The following PTPRD variants were observed in gnomAD, a reference collection of about 807,000 sequenced individuals.
PTPRD encodes the protein protein tyrosine phosphatase receptor type D, also known as receptor-type tyrosine-protein phosphatase delta.
A neutral mutation model predicts 214.5 loss-of-function variants in PTPRD; 34 were observed. The ratio of observed to expected loss-of-function variants is 0.16; its 90% confidence interval spans 0.12 to 0.21. PTPRD has a LOEUF of 0.21. PTPRD is among the 10% of genes least tolerant of loss of function. The pLI, the probability that PTPRD is intolerant of heterozygous loss-of-function variation, is 1.00. For missense variants in PTPRD, 2,545 were observed against 2,398.7 expected, an observed-to-expected ratio of 1.06 and a Z score of -1.27; for synonymous variants, 1,128 against 845.7, an observed-to-expected ratio of 1.33 and a Z score of -5.79.
intron 7 of PTPRD, among the ~76,000 whole-genome samples, chr9:9,640,995 A>G (rs2095925150): frequency 6.6e-6 from 1 of 152,268 alleles, no homozygotes; most frequent in South Asian, 2.1e-4. Context: ...CCTAACAGGT[A>G]GTGATACCTC....
intron 4 of PTPRD, among the ~76,000 whole-genome samples, chr9:10,013,078 C>A (rs535462378): frequency 2.6e-5 from 4 of 151,970 alleles, no homozygotes; most frequent in Admixed American, 2.0e-4. Flanking sequence ...ATGATTTGAA[C>A]TTCAATTACA....
At chr9:9,964,375 C>T (rs1224399469) in intron 4 of PTPRD, among the ~76,000 whole-genome samples, 1 of 152,140 alleles carries the variant, frequency 6.6e-6, no homozygotes, top group Non-Finnish European at 1.5e-5. Context: ...ATATGTTGCT[C>T]ATAATTTCTT....
At chr9:9,499,406 G>C (rs775140495) in intron 8 of PTPRD, among the ~76,000 whole-genome samples, 2 of 152,028 alleles carry the variant, frequency 1.3e-5, no homozygotes, top group Non-Finnish European at 2.9e-5. Flanking sequence ...ACTGTTTCTA[G>C]ACATTTAAAA....
intron 5 of PTPRD, among the ~76,000 whole-genome samples, chr9:9,829,027 C>T (rs2053944241): frequency 6.6e-6 from 1 of 151,822 alleles, no homozygotes; most frequent in African/African-American, 2.4e-5. Context: ...TATTATTTTA[C>T]TACTGATGCA....
chr9:8,499,885 C>T, intron 24 of PTPRD, 45 bp from the exon 25 acceptor site: 1 of 1,509,836 alleles, frequency 6.6e-7, no homozygotes, highest in Non-Finnish European at 8.9e-7. Context: ...GCACTTGTCC[C>T]ACCCTATCAG....
At chr9:8,340,295 C>T (rs1851284868) in intron 42 of PTPRD, 48 bp downstream of exon 42, 7 of 1,512,094 alleles carry the variant, frequency 4.6e-6, no homozygotes, top group African/African-American at 1.4e-5. Context: ...TTCATTTCTC[C>T]ACAGAGTAAA....
At chr9:10,348,177 C>G (rs2097122464) in intron 2 of PTPRD, among the ~76,000 whole-genome samples, 1 of 152,202 alleles carries the variant, frequency 6.6e-6, no homozygotes, top group South Asian at 2.1e-4. Flanking sequence ...TTCTCTTCCT[C>G]TCTCCTTCCC....
chr9:9,843,599 T>G (rs1379426737), intron 5 of PTPRD, among the ~76,000 whole-genome samples: 3 of 151,944 alleles, frequency 2.0e-5, no homozygotes, highest in African/African-American at 2.4e-5. Flanking sequence ...CCCACACATT[T>G]TGACAGGATA....
chr9:9,037,635 G>C (rs1569485204), intron 10 of PTPRD, among the ~76,000 whole-genome samples: 1 of 152,130 alleles, frequency 6.6e-6, no homozygotes, highest in Non-Finnish European at 1.5e-5. Context: ...TAAGGTAAAA[G>C]TACCCTTGGA....
At chr9:9,309,922 G>C (rs544726441) in intron 9 of PTPRD, among the ~76,000 whole-genome samples, 65 of 152,152 alleles carry the variant, frequency 4.3e-4, no homozygotes, top group African/African-American at 1.4e-3. Flanking sequence ...GGTGGATCAT[G>C]GATTTCCTCC....
In PTPRD at chr9:8,319,966, G is replaced by T. The variant is rs748716978; in HGVS notation, c.5535C>A (p.Ser1845Arg). 8 of 1,611,124 alleles carry T rather than the reference G, an allele frequency of 5.0e-6. No homozygotes were observed. The highest frequency in any genetic ancestry group is 6.8e-6 in the Non-Finnish European group (8 of 1,178,766). Residue 1845 changes from serine (S) to arginine (R), a missense_variant and splice_region_variant, in exon 45 of 46, where the codon AGC becomes AGA. Coordinates refer to ENST00000381196, the MANE Select transcript of PTPRD (RefSeq NM_002839.4). ...GQDGPISVHC[S>R]AGVGRTGVFI... ...AGACTCCAGTTCTTCCAACGCCCGCGCTGCCACAATAACAAAGGCGATGTT... is the reference window on the plus strand; with the variant it reads ...AGACTCCAGTTCTTCCAACGCCCGCTCTGCCACAATAACAAAGGCGATGTT...
chr9:8,913,050 C>T (rs2098758778), intron 11 of PTPRD, among the ~76,000 whole-genome samples: 3 of 151,930 alleles, frequency 2.0e-5, no homozygotes, highest in South Asian at 2.1e-4. Flanking sequence ...ATTTATACCC[C>T]GCCATTTTGA....
chr9:9,017,753 A>G (rs1159538384), intron 11 of PTPRD, among the ~76,000 whole-genome samples: 2 of 152,202 alleles, frequency 1.3e-5, no homozygotes, highest in African/African-American at 4.8e-5. Flanking sequence ...GAAATAGATA[A>G]AAATATTCAA....
At chr9:9,108,940 ACG>A (rs2099802415) in intron 10 of PTPRD, among the ~76,000 whole-genome samples, 1 of 152,142 alleles carries the variant, frequency 6.6e-6, no homozygotes, top group African/African-American at 2.4e-5. Context: ...ACTTAGAGAT[ACG>A]ACTGGCATCT....
intron 7 of PTPRD, among the ~76,000 whole-genome samples, chr9:9,653,838 A>T (rs1292955018): frequency 6.6e-6 from 1 of 152,200 alleles, no homozygotes; most frequent in East Asian, 1.9e-4. Flanking sequence ...AGTGATAAAG[A>T]CAAATTAGAT....
At chr9:9,956,773 TAGAG>T (rs2093962765) in intron 4 of PTPRD, among the ~76,000 whole-genome samples, 1 of 152,138 alleles carries the variant, frequency 6.6e-6, no homozygotes, top group African/African-American at 2.4e-5. Context: ...AATCACAAGT[TAGAG>T]AGCAATGAGA....
intron 2 of PTPRD, among the ~76,000 whole-genome samples, chr9:10,572,919 T>C (rs1357646250): frequency 6.6e-6 from 1 of 152,176 alleles, no homozygotes; most frequent in Non-Finnish European, 1.5e-5. Context: ...AGGTAGCTGC[T>C]GATGCTTTTG....
intron 25 of PTPRD, among the ~76,000 whole-genome samples, chr9:8,498,936 A>T (rs890578162): frequency 6.6e-6 from 1 of 152,164 alleles, no homozygotes. Flanking sequence ...TTAAACAACT[A>T]ATTATAAAAC....
chr9:10,260,093 A>G (rs1405665474), intron 3 of PTPRD, among the ~76,000 whole-genome samples: 9 of 152,234 alleles, frequency 5.9e-5, no homozygotes, highest in Admixed American at 5.9e-4. Flanking sequence ...ATCTTAGGAT[A>G]TATTTATACT....
Sources: allele counts gnomAD v4.1 joint callset (sites outside exome capture counted in the v4.1 genomes callset), GRCh38; gene constraint gnomAD v4.1.1; transcripts MANE v1.5; gene names NCBI Gene and HGNC (gene_info 2026-07-23, HGNC 2026-07-21).